The following CSF3R variants were observed in gnomAD, a reference collection of about 807,000 sequenced individuals.
CSF3R encodes the protein colony stimulating factor 3 receptor, also known as granulocyte colony-stimulating factor receptor.
A neutral mutation model predicts 84.4 loss-of-function variants in CSF3R; 52 were observed. The ratio of observed to expected loss-of-function variants is 0.62; its 90% CI spans 0.49 to 0.78. The LOEUF is 0.78. Ranked by LOEUF, CSF3R falls within the 30% of genes least tolerant of loss-of-function variation. The pLI is 0.00. For missense variants in CSF3R, 890 were observed against 1,055.7 expected, an observed-to-expected ratio of 0.84 and a Z score of 2.17; for synonymous variants, 384 against 429.1, an observed-to-expected ratio of 0.89 and a Z score of 1.30.
rs3917986 is a variant in CSF3R, at chr1:36,470,300, G to A, written c.1286-460C>T. ...CCCAGGCTCAAGTGATTCTCCTGCC[G>A]CAGCCTCCCGACTAGCTGGGATTAC... On this transcript the variant is annotated intron_variant, in intron 10 of 16. Transcript: ENST00000373106. 4.7e-3 allele frequency among the ~76,000 whole-genome samples: 720 copies of A among 152,038 alleles called. 7 individuals are homozygous for A. The highest frequency in any genetic ancestry group is 0.016 in the African/African-American group (656 of 41,462).
intron 3 of CSF3R, among the ~76,000 whole-genome samples, chr1:36,478,756 C>T (rs375213998): frequency 4.0e-5 from 6 of 151,754 alleles, no homozygotes; most frequent in East Asian, 1.9e-4. Context: ...GAGGCTGAGG[C>T]GGGAGGATCA....
intron 5 of CSF3R, 52 bp downstream of exon 5, chr1:36,473,712 G>T: frequency 6.2e-7 from 1 of 1,614,024 alleles, no homozygotes. Flanking sequence ...TCCTACCCAT[G>T]CCCTACCCCA....
At chr1:36,476,967 G>C (rs1323806539) in intron 3 of CSF3R, 1 of 152,024 alleles carries the variant, frequency 6.6e-6, no homozygotes, top group African/African-American at 2.4e-5. Context: ...ACTGTGCCCG[G>C]CATGCTGTTC....
In CSF3R at chr1:36,473,875, A is replaced by G; in HGVS notation, c.374T>C (p.Ile125Thr). ...VELRAGYPPA[I>T]PHNLSCLMNL... ...CATGAGGCAGGAGAGGTTGTGGGGT[A>G]TGGCTGGAGGGTCTGCATGTGGGTG... The change falls in exon 5 of 17, where the codon ATA becomes ACA. Residue 125 changes from isoleucine (I) to threonine (T), a missense_variant. Transcript: ENST00000373106. 1 of 1,614,118 alleles carries G rather than the reference A, an allele frequency of 6.2e-7. No individual in the cohort carries two copies. The highest frequency in any genetic ancestry group is 8.5e-7 in the Non-Finnish European group (1 of 1,180,004).
At position 36,466,171 on chromosome 1, in the gene CSF3R, A is replaced by G. The variant is rs2124094253; in HGVS notation, c.*186T>C. 3 of 1,614,208 alleles carry G rather than the reference A, an allele frequency of 1.9e-6. No homozygotes were observed. Among genetic ancestry groups the G allele is most frequent in the Non-Finnish European group, 2.5e-6 (3 of 1,180,024 alleles). ...CTGGATGGAGCATGATCTGGTCCTT[A>G]AAGTATGCAGATCGCCTGGGAGGCC... On this transcript the variant is annotated 3_prime_UTR_variant, in exon 17 of 17. Transcript: ENST00000373106. The surrounding 1 kb of genome is among the most constrained non-coding windows in gnomAD (Gnocchi z 4.6).
rs1650581449 is a variant in CSF3R, at chr1:36,469,724, G to C, written c.1402C>G (p.Pro468Ala). The part of the protein sequence containing the change: ...GYVIEWGLGP[P>A]SASNSNKTWR... ...GTCTTGTTGCTATTGCTCGCGCTGG[G>C]GGGGCCCAGGCCCCACTCAATCACA... The change falls in exon 11 of 17, where the codon CCC becomes GCC. Residue 468 changes from proline (P) to alanine (A), a missense_variant. Coordinates refer to ENST00000373106, the MANE Select transcript of CSF3R (RefSeq NM_000760.4). 2 of 1,614,078 alleles carry C rather than the reference G, an allele frequency of 1.2e-6. No homozygotes were observed. Among genetic ancestry groups the C allele is most frequent in the South Asian group, 2.2e-5 (2 of 91,092 alleles).
intron 9 of CSF3R, 125 bp from the exon 10 acceptor site, chr1:36,471,771 C>G: frequency 1.1e-6 from 1 of 931,876 alleles, no homozygotes. Flanking sequence ...AGGCTTCTCA[C>G]CCCCCTCCCC....
Position 36,469,645 on chromosome 1 carries a change from G to A in CSF3R, c.1474+7C>T, listed in dbSNP as rs199870771. Reference sequence around the variant, plus strand: ...TGGCCCTGCCCAACTTTCCAGGCCAGCCTCACCCTTCAGCAGAAACCCCGT... The same window carrying A: ...TGGCCCTGCCCAACTTTCCAGGCCAACCTCACCCTTCAGCAGAAACCCCGT... On this transcript the variant is annotated splice_region_variant and intron_variant, in intron 11 of 16. Transcript: ENST00000373106. 6.2e-7 allele frequency: 1 copy of A among 1,613,878 alleles called. No individual in the cohort carries two copies. Among genetic ancestry groups the A allele is most frequent in the African/African-American group, 1.3e-5 (1 of 75,058 alleles).
In CSF3R at chr1:36,466,662, C is replaced by G; in HGVS notation, c.2206G>C (p.Val736Leu). 6.2e-7 allele frequency: 1 copy of G among 1,614,190 alleles called. No individual in the cohort carries two copies. ...TYVLQGDPRA[V>L]STQPQSQSGT... ...GACTGGGATTGGGGCTGGGTGGAAACTGCTCTTGGGTCCCCCTGGAGCACA... is the reference window on the plus strand; with the variant it reads ...GACTGGGATTGGGGCTGGGTGGAAAGTGCTCTTGGGTCCCCCTGGAGCACA... The change falls in exon 17 of 17, where the codon GTT (valine) becomes CTT (leucine). Residue 736 changes from valine (V) to leucine (L), a missense_variant. Physicochemically the swap from Val to Leu is conservative, Grantham distance 32. Transcript: ENST00000373106. The surrounding 1 kb of genome is among the most constrained non-coding windows in gnomAD (Gnocchi z 4.6).
At chr1:36,469,303 G>GATCATTAGCACAGGT in intron 11 of CSF3R, 46 bp from the exon 12 acceptor site, 2 of 1,451,626 alleles carry the variant, frequency 1.4e-6, no homozygotes, top group Non-Finnish European at 1.9e-6. Flanking sequence ...GGCCTAACCT[G>GATCATTAGCACAGGT]TGCTAATGAT....
At chr1:36,473,211 T>G (rs1650896865) in intron 6 of CSF3R, 1 of 594,566 alleles carries the variant, frequency 1.7e-6, no homozygotes, top group Non-Finnish European at 3.0e-6. Context: ...GCTGAAAGCA[T>G]GACTGAATGT....
chr1:36,469,167 G>A lies in CSF3R; in HGVS notation c.1565C>T (p.Ser522Phe), dbSNP rs2124107268. 6.2e-7 allele frequency: 1 copy of A among 1,613,284 alleles called. No individual in the cohort carries two copies. The highest frequency in any genetic ancestry group is 8.5e-7 in the Non-Finnish European group (1 of 1,179,264). ...GATAGTTGACAAACCCATTTCTTGAGAGTAGGCATAGACATGCTGGGAGGG... is the reference window on the plus strand; with the variant it reads ...GATAGTTGACAAACCCATTTCTTGAAAGTAGGCATAGACATGCTGGGAGGG... ...MGPSQHVYAY[S>F]QEMAPSHAPE... is the part of the protein sequence containing the mutation. Residue 522 changes from serine (S) to phenylalanine (F), a missense_variant, in exon 12 of 17, where the codon TCT becomes TTT. Physicochemically the swap from Ser to Phe is radical, Grantham distance 155. Coordinates refer to ENST00000373106, the MANE Select transcript of CSF3R (RefSeq NM_000760.4).
chr1:36,476,729 C>T (rs921605015), intron 3 of CSF3R, among the ~76,000 whole-genome samples: 2 of 151,944 alleles, frequency 1.3e-5, no homozygotes, highest in African/African-American at 2.4e-5. Context: ...GGCACGATCA[C>T]GGCTCAGTGC....
At chr1:36,473,950 GA>G (rs1650954442) in intron 4 of CSF3R, 63 bp from the exon 5 acceptor site, 11 of 1,610,972 alleles carry the variant, frequency 6.8e-6, no homozygotes, top group Admixed American at 1.7e-5. Context: ...CTTCCTCTGG[GA>G]CCAGCTGGCC....
chr1:36,479,162 C>T (rs1651362356), intron 3 of CSF3R: 4 of 519,002 alleles, frequency 7.7e-6, no homozygotes, highest in Non-Finnish European at 1.4e-5. Flanking sequence ...TTGCTTCTGA[C>T]AGCTTGGTAG....
chr1:36,474,390 C>CTTTTTTTTTTTTT (rs911099378), intron 4 of CSF3R, among the ~76,000 whole-genome samples: 1 of 86,262 alleles, frequency 1.2e-5, no homozygotes, highest in African/African-American at 5.1e-5. Flanking sequence ...ATTACTGGTG[C>CTTTTTTTTTTTTT]TTTTTTTTTT....
chr1:36,467,393 A>G lies in CSF3R; in HGVS notation c.1959-82T>C. The G allele has an allele frequency of 1.4e-6, 2 of 1,475,026 alleles. No individual in the cohort carries two copies. The highest frequency in any genetic ancestry group is 1.9e-6 in the Non-Finnish European group (2 of 1,054,132). 91.4% of individuals were successfully genotyped at this position (1,475,026 alleles called of 1,614,324 possible). On this transcript the variant is annotated intron_variant, in intron 15 of 16. Transcript: ENST00000373106. This position sits in a 1 kb window ranked among gnomAD's most constrained non-coding sequence, Gnocchi z 4.1. ...TTTGTCCCACCCACCCCACCTGAAGAGGTGCAGCTGCCCTTAGTGCAGAGA... is the reference window on the plus strand; with the variant it reads ...TTTGTCCCACCCACCCCACCTGAAGGGGTGCAGCTGCCCTTAGTGCAGAGA...
intron 10 of CSF3R, among the ~76,000 whole-genome samples, chr1:36,470,372 A>T (rs1349327427): frequency 6.6e-6 from 1 of 151,868 alleles, no homozygotes; most frequent in East Asian, 1.9e-4. Flanking sequence ...TGTAGTAGAG[A>T]TGGGGTTTCA....
intron 2 of CSF3R, among the ~76,000 whole-genome samples, chr1:36,480,787 C>G (rs1281955374): frequency 1.3e-5 from 2 of 152,232 alleles, no homozygotes; most frequent in African/African-American, 2.4e-5. Flanking sequence ...GGGTCTTACC[C>G]AAACCCCCAG....
Sources: gnomAD v4.1 joint callset for allele counts (sites outside exome capture counted in the v4.1 genomes callset) on GRCh38, gnomAD v4.1.1 for gene constraint, Gnocchi (gnomAD v3.1) non-coding constraint, MANE v1.5 for transcripts, NCBI Gene and HGNC (gene_info 2026-07-23, HGNC 2026-07-21) for gene names.